The following WDR17 variants were observed in gnomAD, a reference collection of about 807,000 sequenced individuals.
The protein encoded by WDR17 is WD repeat-containing protein 17.
A neutral mutation model predicts 161.7 loss-of-function variants in WDR17; 143 were observed. The ratio of observed to expected loss-of-function variants is 0.88; its 90% confidence interval spans 0.77 to 1.02. WDR17 has a LOEUF of 1.02. Among genes scored for constraint, WDR17 ranks in the 50% least tolerant of loss-of-function variants. The pLI is 0.00. For missense variants in WDR17, 1,469 were observed against 1,520.9 expected (o/e 0.97, Z 0.57); for synonymous variants, 517 against 515.6 (o/e 1.00, Z -0.04).
intron 28 of WDR17, 149 bp downstream of exon 28, chr4:176,177,803 G>T (rs1751662191): frequency 4.3e-6 from 3 of 690,070 alleles, no homozygotes; most frequent in Non-Finnish European, 6.9e-6. Context: ...TGCTTCCATA[G>T]TTAGTACAAG....
chr4:176,156,355 T>TA (rs1323954378), intron 18 of WDR17, among the ~76,000 whole-genome samples: 1 of 152,152 alleles, frequency 6.6e-6, no homozygotes, highest in Non-Finnish European at 1.5e-5. Flanking sequence ...CTGATGAAGA[T>TA]AGCAGAAGGC....
At chr4:176,167,644 CAAAAAAAAAAAAAAAAAA>C (rs34187946) in intron 22 of WDR17, among the ~76,000 whole-genome samples, 1 of 23,834 alleles carries the variant, frequency 4.2e-5, no homozygotes, top group South Asian at 3.2e-3. Context: ...GACTCCGTCT[CAAAAAAAAAAAAAAAAAA>C]AAAAAAAAAA....
Position 176,162,142 on chromosome 4 carries a change from G to T in WDR17, c.2818G>T (p.Ala940Ser), listed in dbSNP as rs189140426. 7.4e-6 allele frequency: 12 copies of T among 1,612,364 alleles called. No homozygotes were observed. In the African/African-American group the frequency reaches 8.0e-5, roughly 11 times the overall value. ...YFQDGRAVLA[A>S]CCHLAIDNIE... ...TCAAGATGGTCGAGCAGTACTAGCC[G>T]CATGTTGCCATCTTGCCATAGATAA... Residue 940 changes from alanine (A) to serine (S), a missense_variant, in exon 21 of 29, where the codon GCA (alanine) becomes TCA (serine). Coordinates refer to ENST00000508596, the MANE Select transcript of WDR17 (RefSeq NM_181265.4).
chr4:176,073,682 T>G (rs1236669873), intron 1 of WDR17, among the ~76,000 whole-genome samples: 4 of 148,650 alleles, frequency 2.7e-5, no homozygotes, highest in Non-Finnish European at 6.0e-5. Flanking sequence ...ATCGCCACAC[T>G]GACTTCCACA....
intron 5 of WDR17, among the ~76,000 whole-genome samples, chr4:176,127,492 T>TA (rs1742643544): frequency 6.6e-6 from 1 of 151,796 alleles, no homozygotes; most frequent in East Asian, 1.9e-4. Flanking sequence ...GACGGTGTTT[T>TA]ACCATGTTGG....
chr4:176,171,454 C>T (rs1160574151), intron 23 of WDR17, among the ~76,000 whole-genome samples: 5 of 152,062 alleles, frequency 3.3e-5, no homozygotes, highest in South Asian at 2.1e-4. Context: ...CAATATCAAA[C>T]GTTATATATA....
At chr4:176,096,876 T>C (rs1736966592) in intron 1 of WDR17, among the ~76,000 whole-genome samples, 1 of 151,644 alleles carries the variant, frequency 6.6e-6, no homozygotes, top group South Asian at 2.1e-4. Context: ...TATATTGAGA[T>C]TAATATATGA....
intron 26 of WDR17, among the ~76,000 whole-genome samples, 160 bp from the exon 27 acceptor site, chr4:176,176,898 A>G (rs1303969583): frequency 1.3e-5 from 2 of 152,250 alleles, no homozygotes; most frequent in Non-Finnish European, 2.9e-5. Flanking sequence ...GTGAGCATAT[A>G]TACGCATATA....
intron 10 of WDR17, among the ~76,000 whole-genome samples, chr4:176,140,446 G>A (rs1250191893): frequency 1.3e-5 from 2 of 152,084 alleles, no homozygotes; most frequent in Admixed American, 6.6e-5. Flanking sequence ...TGTGGGAAAT[G>A]CCTTTTGTTA....
intron 1 of WDR17, among the ~76,000 whole-genome samples, chr4:176,087,778 T>G (rs1464363613): frequency 2.0e-5 from 3 of 152,152 alleles, no homozygotes; most frequent in Admixed American, 6.6e-5. Context: ...ACTCATCCAT[T>G]GAGATATAAA....
rs1488585624 is a variant in WDR17, at chr4:176,148,041, A to G, written c.1695-92A>G. ...ACATAAAATGCTTCTAGATAAGCTA[A>G]CAAATAATTATTATACTCTATTAAG... On this transcript the variant is annotated intron_variant, in intron 12 of 28. Coordinates refer to ENST00000508596, the MANE Select transcript of WDR17 (RefSeq NM_181265.4). 1.4e-5 allele frequency: 15 copies of G among 1,092,526 alleles called. No homozygotes were observed. In the South Asian group the frequency reaches 1.5e-4, roughly 11 times the overall value. The allele number at this position is 1,092,526 out of a possible 1,614,324, so 67.7% of individuals were successfully genotyped here.
In WDR17 at chr4:176,142,080, T is replaced by C. The variant is rs367713189; in HGVS notation, c.1529+11T>C. The C allele has an allele frequency of 6.2e-7, 1 of 1,600,304 alleles. No individual in the cohort carries two copies. The highest frequency in any genetic ancestry group is 1.7e-5 in the Admixed American group (1 of 57,776). On this transcript the variant is annotated intron_variant, in intron 11 of 28. Transcript: ENST00000508596. ...GAGCCAAAACAATAAGTAAGTGGTT[T>C]TTTTTCCTGAAATAAATAATAACTA...
chr4:176,144,748 T>C (rs2126798583), intron 11 of WDR17, among the ~76,000 whole-genome samples: 1 of 152,280 alleles, frequency 6.6e-6, no homozygotes, highest in Middle Eastern at 3.4e-3. Flanking sequence ...CTTAGTGTCT[T>C]AGTAGGTAAG....
chr4:176,074,604 A>T (rs1360520330), intron 1 of WDR17, among the ~76,000 whole-genome samples: 2 of 151,600 alleles, frequency 1.3e-5, no homozygotes, highest in Non-Finnish European at 2.9e-5. Flanking sequence ...CTAGAGGTGC[A>T]TGCACCACAC....
At chr4:176,088,436 AACTGGAATC>A (rs879455760) in intron 1 of WDR17, among the ~76,000 whole-genome samples, 1 of 152,090 alleles carries the variant, frequency 6.6e-6, no homozygotes, top group Admixed American at 6.6e-5. Context: ...AAAAATTTCA[AACTGGAATC>A]ACTAATAATT....
chr4:176,121,572 AT>A (rs1741589634), intron 4 of WDR17, among the ~76,000 whole-genome samples: 1 of 152,012 alleles, frequency 6.6e-6, no homozygotes, highest in East Asian at 1.9e-4. Flanking sequence ...GTGTGTTTTT[AT>A]TTTATTCTAA....
At chr4:176,150,804 A>G (rs181533923) in intron 16 of WDR17, among the ~76,000 whole-genome samples, 1 of 152,240 alleles carries the variant, frequency 6.6e-6, no homozygotes, top group Non-Finnish European at 1.5e-5. Context: ...GTTGAGTCTC[A>G]TGAAATTCCT....
chr4:176,119,187 A>G (rs939622624), intron 3 of WDR17, among the ~76,000 whole-genome samples: 10 of 152,074 alleles, frequency 6.6e-5, no homozygotes, highest in Non-Finnish European at 1.2e-4. Context: ...TTTATATTCC[A>G]TCTTATTGAT....
chr4:176,101,405 C>T (rs1349374824), intron 1 of WDR17, among the ~76,000 whole-genome samples: 1 of 152,080 alleles, frequency 6.6e-6, no homozygotes, highest in Non-Finnish European at 1.5e-5. Flanking sequence ...ACCTCACAAA[C>T]ATTTACATGA....
Sources: gnomAD v4.1 joint callset for allele counts (sites outside exome capture counted in the v4.1 genomes callset) on GRCh38, gnomAD v4.1.1 for gene constraint, MANE v1.5 for transcripts, NCBI Gene and HGNC (gene_info 2026-07-23, HGNC 2026-07-21) for gene names.